The following NELFB variants were observed in gnomAD, a reference collection of about 807,000 sequenced individuals.
The protein encoded by NELFB is negative elongation factor B.
A neutral mutation model predicts 60.2 loss-of-function variants in NELFB; 34 were observed. That is an observed-to-expected ratio of 0.56 (90% CI 0.43 to 0.75). The LOEUF (loss-of-function observed/expected upper bound fraction) is 0.75, where lower values mean the gene tolerates loss of function less well. NELFB is among the 30% of genes least tolerant of loss of function. NELFB has a pLI of 0.00. For synonymous variants in NELFB, 459 were observed against 382.1 expected, an observed-to-expected ratio of 1.20 and a Z score of -2.35; for missense variants, 770 against 831.6, an observed-to-expected ratio of 0.93 and a Z score of 0.91.
rs560711834 is a variant in NELFB at position 137,272,225 on chromosome 9, A to G, written c.1631+3A>G. ...TTCTTCCTCACCGCCTCTCCAAGGTAGGCCTGCTGGGTACCATCCGGCCCG... is the reference window on the plus strand; with the variant it reads ...TTCTTCCTCACCGCCTCTCCAAGGTGGGCCTGCTGGGTACCATCCGGCCCG... On this transcript the variant is annotated splice_donor_region_variant and intron_variant, in intron 11 of 12. Transcript: ENST00000343053. 4 of 1,614,024 alleles carry G rather than the reference A, an allele frequency of 2.5e-6. No individual in the cohort carries two copies. In the African/African-American group the frequency reaches 4.0e-5, roughly 16 times the overall value.
At position 137,255,408 on chromosome 9, in the gene NELFB, C is replaced by G. The variant is rs1430101648; in HGVS notation, c.43C>G (p.Pro15Ala). 6 of 1,020,140 alleles carry G rather than the reference C, an allele frequency of 5.9e-6. No individual in the cohort carries two copies. The East Asian group carries it at 2.0e-4, about 33-fold the overall frequency. 63.2% of individuals were successfully genotyped at this position (1,020,140 alleles called of 1,614,324 possible). Residue 15 changes from proline to alanine, a missense_variant, in exon 1 of 13, where the codon CCC becomes GCC. Coordinates refer to ENST00000343053, the MANE Select transcript of NELFB (RefSeq NM_015456.5). ...CGCCGGGGAGCGGGGCTCGGGCGGT[C>G]CCCGAGGCCCGGCGGAGCGGGCTTC...
At chr9:137,271,921 C>G (rs938629099) in intron 10 of NELFB, among the ~76,000 whole-genome samples, 160 bp from the exon 11 acceptor site, 3 of 151,806 alleles carry the variant, frequency 2.0e-5, no homozygotes, top group Admixed American at 6.6e-5. Context: ...CTTCCCACCC[C>G]CCTCTTCACC....
intron 10 of NELFB, among the ~76,000 whole-genome samples, chr9:137,268,052 CAGGAAGAAG>C (rs1392281841): frequency 1.3e-5 from 2 of 151,844 alleles, no homozygotes; most frequent in African/African-American, 4.9e-5. Context: ...TGTTGCAAGC[CAGGAAGAAG>C]AGGAAGGGTC....
Position 137,263,147 on chromosome 9 carries a change from G to C in NELFB, c.852G>C (p.Thr284=). The stretch of plus-strand genomic sequence containing the variant: ...GCACGCGGAATGTGCACTACTGCAC[G>C]CTGCGGGCTGAGCTGCTCATGTCCC... The change falls in exon 5 of 13, where the codon ACG becomes ACC. Residue 284 remains threonine (T), a synonymous_variant. Transcript: ENST00000343053. The C allele has an allele frequency of 6.2e-7, 1 of 1,614,056 alleles. No homozygotes were observed. Among genetic ancestry groups the C allele is most frequent in the Non-Finnish European group, 8.5e-7 (1 of 1,180,008 alleles).
chr9:137,260,386 A>AT (rs199522068), intron 4 of NELFB, among the ~76,000 whole-genome samples: 5 of 145,234 alleles, frequency 3.4e-5, no homozygotes, highest in South Asian at 2.2e-4. Context: ...TTTAAAATTT[A>AT]TTTTTTAAAA....
At chr9:137,256,473 C>G (rs747944491) in intron 3 of NELFB, 45 bp downstream of exon 3, 7 of 1,549,134 alleles carry the variant, frequency 4.5e-6, no homozygotes, top group Non-Finnish European at 4.4e-6. Flanking sequence ...CGTCCGCCCA[C>G]TCTCATGCCC....
intron 5 of NELFB, 60 bp downstream of exon 5, chr9:137,263,282 C>G: frequency 1.3e-6 from 2 of 1,489,944 alleles, no homozygotes; most frequent in Non-Finnish European, 1.8e-6. Context: ...CCCTCCCTCC[C>G]TCCTTCCCTC....
intron 11 of NELFB, 108 bp downstream of exon 11, chr9:137,272,330 G>A: frequency 2.6e-6 from 4 of 1,536,128 alleles, no homozygotes; most frequent in Admixed American, 1.8e-5. Context: ...TCCGCAGGTG[G>A]GTCTGTTGGG....
rs1376610353 is a variant in NELFB, at chr9:137,256,005, T to C, written c.345T>C (p.Asp115=). The C allele has an allele frequency of 1.2e-6, 2 of 1,613,282 alleles. No homozygotes were observed. The highest frequency in any genetic ancestry group is 2.7e-5 in the African/African-American group (2 of 74,906). Residue 115 remains aspartate, a synonymous_variant, in exon 2 of 13, where the codon GAT becomes GAC. Coordinates refer to ENST00000343053, the MANE Select transcript of NELFB (RefSeq NM_015456.5). Reference sequence around the variant, plus strand: ...TGGAGTTCCACCAGTCGGTATTCGATGAGCTGCGGGACAAGCTGCTGGAGC... The same window carrying C: ...TGGAGTTCCACCAGTCGGTATTCGACGAGCTGCGGGACAAGCTGCTGGAGC...
At chr9:137,257,665 G>C (rs962383395) in intron 4 of NELFB, among the ~76,000 whole-genome samples, 1 of 151,982 alleles carries the variant, frequency 6.6e-6, no homozygotes, top group Non-Finnish European at 1.5e-5. Flanking sequence ...ACCACGCCCG[G>C]CTAATTTTGT....
intron 11 of NELFB, 130 bp downstream of exon 11, chr9:137,272,352 G>A (rs1027281946): frequency 9.4e-6 from 14 of 1,485,936 alleles, no homozygotes; most frequent in South Asian, 6.3e-5. Flanking sequence ...ACCAGGGCTC[G>A]CATGTGGCCC....
rs1830590749 is a variant in NELFB at position 137,272,113 on chromosome 9, A to G, written c.1522A>G (p.Ile508Val). ...CTTTGGCGACTTGGCCTTTGGCGACATCTTCCTCCACCTGCTCACGGGCAA... is the reference window on the plus strand; with the variant it reads ...CTTTGGCGACTTGGCCTTTGGCGACGTCTTCCTCCACCTGCTCACGGGCAA... The change falls in exon 11 of 13, where the codon ATC becomes GTC. Residue 508 changes from isoleucine (I) to valine (V), a missense_variant. By Grantham distance (29) the Ile-to-Val change is conservative (BLOSUM62 3). Coordinates refer to ENST00000343053, the MANE Select transcript of NELFB (RefSeq NM_015456.5). 1 of 1,614,150 alleles carries G rather than the reference A, an allele frequency of 6.2e-7. No individual in the cohort carries two copies. The highest frequency in any genetic ancestry group is 8.5e-7 in the Non-Finnish European group (1 of 1,180,028).
intron 4 of NELFB, among the ~76,000 whole-genome samples, chr9:137,262,347 C>A (rs1830459076): frequency 6.6e-6 from 1 of 152,198 alleles, no homozygotes; most frequent in African/African-American, 2.4e-5. Context: ...CAACGGGCGT[C>A]TTCCCAGATG....
intron 6 of NELFB, among the ~76,000 whole-genome samples, 193 bp downstream of exon 6, chr9:137,264,550 C>T (rs1354879289): frequency 6.6e-6 from 1 of 152,260 alleles, no homozygotes; most frequent in African/African-American, 2.4e-5. Context: ...ACTGCAACCT[C>T]CGCCTCCTAG....
chr9:137,267,196 G>A, intron 9 of NELFB, 44 bp from the exon 10 acceptor site: 1 of 1,512,198 alleles, frequency 6.6e-7, no homozygotes, highest in Non-Finnish European at 9.2e-7. Flanking sequence ...CTGAGGTGGG[G>A]CTGAGGTGGG....
At chr9:137,266,816 T>C (rs1830522993) in intron 8 of NELFB, 128 bp from the exon 9 acceptor site, 2 of 1,054,236 alleles carry the variant, frequency 1.9e-6, no homozygotes, top group Admixed American at 2.8e-5. Flanking sequence ...CCTGGGGACC[T>C]GGAGAGGAGG....
Position 137,255,365 on chromosome 9 carries a change from C to T in NELFB, c.-1C>T. On this transcript the variant is annotated 5_prime_UTR_variant, in exon 1 of 13. Transcript: ENST00000343053. ...GCGCGGAGTCGCGCGGCGGGCGGGA[C>T]CTGGCCGAGCTGGAGGGCGCCGGGG... The T allele has an allele frequency of 4.0e-6, 2 of 501,546 alleles. No individual in the cohort carries two copies. Among genetic ancestry groups the T allele is most frequent in the Non-Finnish European group, 3.0e-6 (1 of 328,244 alleles). The allele number at this position is 501,546 out of a possible 1,614,324, so 31.1% of individuals were successfully genotyped here. A position where few individuals can be genotyped will look rare whatever the true frequency, so the allele number is the denominator to read the frequency against.
chr9:137,259,283 A>C (rs1329488715), intron 4 of NELFB, among the ~76,000 whole-genome samples: 1 of 152,232 alleles, frequency 6.6e-6, no homozygotes, highest in Non-Finnish European at 1.5e-5. Flanking sequence ...CTTAGAGCCC[A>C]TCTGAACTAC....
At chr9:137,255,682 C>G in intron 1 of NELFB, 71 bp downstream of exon 1, 2 of 1,471,866 alleles carry the variant, frequency 1.4e-6, no homozygotes, top group Non-Finnish European at 1.8e-6. Flanking sequence ...TCGGGCCTGG[C>G]GGAGGCGCCG....
Sources: allele counts gnomAD v4.1 joint callset (sites outside exome capture counted in the v4.1 genomes callset), GRCh38; gene constraint gnomAD v4.1.1; transcripts MANE v1.5; gene names NCBI Gene and HGNC (gene_info 2026-07-23, HGNC 2026-07-21).